The following ERCC3 variants were observed in gnomAD, a reference collection of about 807,000 sequenced individuals.
ERCC3 encodes ERCC excision repair 3, TFIIH core complex helicase subunit, also known as general transcription and DNA repair factor IIH helicase/translocase subunit XPB.
ERCC3 carries 66 observed loss-of-function variants against 94.2 expected under a neutral mutation model. The ratio of observed to expected loss-of-function variants is 0.70; its 90% CI spans 0.57 to 0.86. The LOEUF (loss-of-function observed/expected upper bound fraction) is 0.86, where lower values mean the gene tolerates loss of function less well. ERCC3 is among the 40% of genes least tolerant of loss of function. ERCC3 has a pLI of 0.00. For missense variants in ERCC3, 829 were observed against 987.1 expected, an observed-to-expected ratio of 0.84 and a Z score of 2.15; for synonymous variants, 349 against 369.1, an observed-to-expected ratio of 0.95 and a Z score of 0.63.
chr2:127,281,291 TG>T (rs1459820440), intron 8 of ERCC3, among the ~76,000 whole-genome samples: 3 of 152,194 alleles, frequency 2.0e-5, no homozygotes, highest in Non-Finnish European at 2.9e-5. Flanking sequence ...ACGGGAGTGA[TG>T]AAACTCCAGG....
Position 127,294,104 on chromosome 2 carries a change from A to G in ERCC3, c.-23T>C, listed in dbSNP as rs1051784504. 6.2e-7 allele frequency: 1 copy of G among 1,605,964 alleles called. No homozygotes were observed. ...CATGGCAGCTACAGCAGCAGAGAGAAGATGACCCCGCTCCCACAGGCCCGC... is the reference window on the plus strand; with the variant it reads ...CATGGCAGCTACAGCAGCAGAGAGAGGATGACCCCGCTCCCACAGGCCCGC... On this transcript the variant is annotated 5_prime_UTR_variant, in exon 1 of 15. Coordinates refer to ENST00000285398, the MANE Select transcript of ERCC3 (RefSeq NM_000122.2).
rs139212851 is a variant in ERCC3, at chr2:127,268,368, C to T, written c.1945+2968G>A. ...CTGCCTCCCAGACTAAAGCGATTCT[C>T]TTGCCTCAGCCTCCGGAGTGGCTGG... On this transcript the variant is annotated intron_variant, in intron 12 of 14. Transcript: ENST00000285398. Among the ~76,000 whole-genome samples the T allele has an allele frequency of 2.3e-3, 353 of 152,292 alleles. 1 individual carries two copies. The highest frequency in any genetic ancestry group is 7.7e-3 in the African/African-American group (320 of 41,544).
chr2:127,283,068 C>T (rs1684964850), intron 8 of ERCC3, among the ~76,000 whole-genome samples: 1 of 148,530 alleles, frequency 6.7e-6, no homozygotes, highest in Admixed American at 6.9e-5. Context: ...TCCTAGCAGA[C>T]CCAATACCCA....
chr2:127,261,038 C>A, intron 13 of ERCC3, 190 bp downstream of exon 13: 1 of 627,402 alleles, frequency 1.6e-6, no homozygotes, highest in Non-Finnish European at 2.9e-6. Context: ...TCAGTCCTGC[C>A]AGGACGGCAC....
chr2:127,279,100 A>G lies in ERCC3; in HGVS notation c.1730+73T>C, dbSNP rs1176710147. The G allele has an allele frequency of 9.7e-7, 1 of 1,031,348 alleles. No individual in the cohort carries two copies. The highest frequency in any genetic ancestry group is 1.5e-6 in the Non-Finnish European group (1 of 663,024). The allele number at this position is 1,031,348 out of a possible 1,614,324, so 63.9% of individuals were successfully genotyped here. On this transcript the variant is annotated intron_variant, in intron 10 of 14. Transcript: ENST00000285398. This position sits in a 1 kb window ranked among gnomAD's most constrained non-coding sequence, Gnocchi z 4.7. ...TGAGAGAAAAACAAAAAAACAAAAC[A>G]ACAGCCACCTTCTGCACTCTCAATG...
At position 127,284,151 on chromosome 2, in the gene ERCC3, C is replaced by G. The variant is rs1342842798; in HGVS notation, c.1342+2552G>C. On this transcript the variant is annotated intron_variant, in intron 8 of 14. Transcript: ENST00000285398. The surrounding 1 kb of genome is among the most constrained non-coding windows in gnomAD (Gnocchi z 4.1). Reference sequence around the variant, plus strand: ...GAGTCGGATCACGCCTTCATCCTTACTGGGATTCCACAAACTCACCTCACC... The same window carrying G: ...GAGTCGGATCACGCCTTCATCCTTAGTGGGATTCCACAAACTCACCTCACC... The G allele has an allele frequency of 1.3e-5, 2 of 152,310 alleles. No individual in the cohort carries two copies. Among genetic ancestry groups the G allele is most frequent in the African/African-American group, 4.8e-5 (2 of 41,454 alleles). The allele number at this position is 152,310 out of a possible 1,614,324, so 9.4% of individuals were successfully genotyped here.
At position 127,286,958 on chromosome 2, in the gene ERCC3, C is replaced by T. The variant is rs1685093701; in HGVS notation, c.1087G>A (p.Val363Met). The part of the protein sequence containing the change: ...AACTVRKRCL[V>M]LGNSAVSVEQ... ...ACAGAAACAGCTGAGTTGCCCAGCA[C>T]CAGACAGCGTTTTCTGACAGTGCAT... Residue 363 changes from valine to methionine, a missense_variant, in exon 8 of 15, where the codon GTG becomes ATG. Physicochemically the swap from Val to Met is conservative, Grantham distance 21. Transcript: ENST00000285398. 1 of 1,613,998 alleles carries T rather than the reference C, an allele frequency of 6.2e-7. No individual in the cohort carries two copies. Among genetic ancestry groups the T allele is most frequent in the South Asian group, 1.1e-5 (1 of 91,086 alleles).
At position 127,271,976 on chromosome 2, in the gene ERCC3, C is replaced by T. The variant is rs1347026845; in HGVS notation, c.1828-523G>A. Among the ~76,000 whole-genome samples, 3 of 149,206 alleles carry T rather than the reference C, an allele frequency of 2.0e-5. No homozygotes were observed. The highest frequency in any genetic ancestry group is 5.0e-5 in the African/African-American group (2 of 40,392). On this transcript the variant is annotated intron_variant, in intron 11 of 14. Coordinates refer to ENST00000285398, the MANE Select transcript of ERCC3 (RefSeq NM_000122.2). This position sits in a 1 kb window ranked among gnomAD's most constrained non-coding sequence, Gnocchi z 5.0. ...GACATGAAGGTTTGGTGCTTATAAG[C>T]GCCCAGCCACAATCACATAAAATCT...
rs567931132 is a variant in ERCC3 at position 127,266,587 on chromosome 2, T to C, written c.1945+4749A>G. Among the ~76,000 whole-genome samples, 350 of 152,216 alleles carry C rather than the reference T, an allele frequency of 2.3e-3. 6 individuals carry two copies. The highest frequency in any genetic ancestry group is 7.5e-3 in the African/African-American group (312 of 41,542). The stretch of plus-strand genomic sequence containing the variant: ...CTCCTGACCTCGTGATCCACCCGCC[T>C]TGGCTTCCCAAAGTGCTGGGATTAT... On this transcript the variant is annotated intron_variant, in intron 12 of 14. Coordinates refer to ENST00000285398, the MANE Select transcript of ERCC3 (RefSeq NM_000122.2).
chr2:127,265,413 T>C (rs1336166745), intron 12 of ERCC3, among the ~76,000 whole-genome samples: 2 of 152,068 alleles, frequency 1.3e-5, no homozygotes, highest in East Asian at 3.9e-4. Flanking sequence ...TAGCAGTCCA[T>C]CAATCTTATT....
chr2:127,263,730 C>T (rs557055506), intron 12 of ERCC3, among the ~76,000 whole-genome samples: 117 of 144,808 alleles, frequency 8.1e-4, no homozygotes, highest in African/African-American at 2.8e-3. Context: ...TTCTGGGGGA[C>T]GGAGTCTCGC....
In ERCC3 at chr2:127,288,708, T is replaced by A. The variant is rs772058327; in HGVS notation, c.979A>T (p.Met327Leu). 2 of 1,614,134 alleles carry A rather than the reference T, an allele frequency of 1.2e-6. No homozygotes were observed. Among genetic ancestry groups the A allele is most frequent in the South Asian group, 2.2e-5 (2 of 91,082 alleles). Residue 327 changes from methionine (M) to leucine (L), a missense_variant, in exon 7 of 15, where the codon ATG (methionine) becomes TTG (leucine). Transcript: ENST00000285398. ...RPYQEKSLRK[M>L]FGNGRARSGV... The stretch of plus-strand genomic sequence containing the variant: ...GAACGTGCACGCCCGTTTCCAAACA[T>A]CTTTCGCAAGCTCTTCTCCTGATAG...
At chr2:127,261,793 T>C in intron 12 of ERCC3, 1 of 204,030 alleles carries the variant, frequency 4.9e-6, no homozygotes. Context: ...CACGCCCCTC[T>C]CCGAGGATGG....
rs756554221 is a variant in ERCC3 at position 127,286,216 on chromosome 2, T to A, written c.1342+487A>T. Among the ~76,000 whole-genome samples the A allele has an allele frequency of 2.0e-4, 31 of 152,278 alleles. No individual in the cohort carries two copies. In the Middle Eastern group the frequency reaches 0.017, roughly 84 times the overall value. ...TCTAAATCACTACTGAGCCAGTGAT[T>A]AAGCAAACTGTGAATGTGAACACTC... On this transcript the variant is annotated intron_variant, in intron 8 of 14. Transcript: ENST00000285398.
chr2:127,284,683 C>G lies in ERCC3; in HGVS notation c.1342+2020G>C, dbSNP rs1289598634. Among the ~76,000 whole-genome samples the G allele has an allele frequency of 6.7e-6, 1 of 148,958 alleles. No homozygotes were observed. The highest frequency in any genetic ancestry group is 1.5e-5 in the Non-Finnish European group (1 of 67,658). On this transcript the variant is annotated intron_variant, in intron 8 of 14. Transcript: ENST00000285398. The surrounding 1 kb of genome is among the most constrained non-coding windows in gnomAD (Gnocchi z 4.1). Reference sequence around the variant, plus strand: ...CCTTAATTTACCCTAATCTGTTCATCTTTATTTTTTTTTTTTGAGACAGAG... The same window carrying G: ...CCTTAATTTACCCTAATCTGTTCATGTTTATTTTTTTTTTTTGAGACAGAG...
intron 12 of ERCC3, among the ~76,000 whole-genome samples, chr2:127,267,529 G>T (rs1406215960): frequency 6.6e-6 from 1 of 151,876 alleles, no homozygotes; most frequent in African/African-American, 2.4e-5. Context: ...GAAGACAGCA[G>T]AAGGCTGGGT....
rs902304166 is a variant in ERCC3, at chr2:127,279,759, T to A, written c.1528-384A>T. On this transcript the variant is annotated intron_variant, in intron 9 of 14. Transcript: ENST00000285398. This position sits in a 1 kb window ranked among gnomAD's most constrained non-coding sequence, Gnocchi z 4.7. ...TGGGTGACAGAGTGAGACCCTGTTT[T>A]AAAAAAAAAAAAATGCTATGTGAAT... Among the ~76,000 whole-genome samples the A allele has an allele frequency of 1.1e-3, 157 of 145,402 alleles. No individual in the cohort carries two copies. The highest frequency in any genetic ancestry group is 0.01 in the Admixed American group (147 of 14,596).
chr2:127,261,795 C>T (rs757077673), intron 12 of ERCC3: 96 of 202,548 alleles, frequency 4.7e-4, no homozygotes, highest in Non-Finnish European at 4.9e-4. Flanking sequence ...CGCCCCTCTC[C>T]GAGGATGGCT....
In ERCC3 at chr2:127,279,264, G is replaced by T; in HGVS notation, c.1639C>A (p.Leu547Met). The change falls in exon 10 of 15, where the codon CTG becomes ATG. Residue 547 changes from leucine (L) to methionine (M), a missense_variant. Leu to Met is a conservative substitution (Grantham distance 15). Coordinates refer to ENST00000285398, the MANE Select transcript of ERCC3 (RefSeq NM_000122.2). This position sits in a 1 kb window ranked among gnomAD's most constrained non-coding sequence, Gnocchi z 4.7. The part of the protein sequence containing the change: ...NPNKFRACQF[L>M]IKFHERRNDK... ...TTCCTCCTTTCATGAAACTTGATCAGAAACTGGCAAGCTCTAAATTTGTTG... is the reference window on the plus strand; with the variant it reads ...TTCCTCCTTTCATGAAACTTGATCATAAACTGGCAAGCTCTAAATTTGTTG... 6.2e-7 allele frequency: 1 copy of T among 1,613,844 alleles called. No individual in the cohort carries two copies. Among genetic ancestry groups the T allele is most frequent in the Non-Finnish European group, 8.5e-7 (1 of 1,179,740 alleles).
Sources: gnomAD v4.1 joint callset for allele counts (sites outside exome capture counted in the v4.1 genomes callset) on GRCh38, gnomAD v4.1.1 for gene constraint, Gnocchi (gnomAD v3.1) non-coding constraint, MANE v1.5 for transcripts, NCBI Gene and HGNC (gene_info 2026-07-23, HGNC 2026-07-21) for gene names.